COL24A1: variants seen among roughly 807,000 people sequenced by gnomAD.
COL24A1 encodes the protein collagen type XXIV alpha 1 chain.
Under a neutral mutation model 253.9 loss-of-function variants are expected in COL24A1, and 224 were observed. The observed-to-expected ratio is 0.88, with a 90% confidence interval of 0.79 to 0.99. The LOEUF is 0.99. Ranked by LOEUF, COL24A1 falls within the 50% of genes least tolerant of loss-of-function variation. The pLI, the probability that COL24A1 is intolerant of heterozygous loss-of-function variation, is 0.00. For synonymous variants in COL24A1, 685 were observed against 673.7 expected (o/e 1.02, Z -0.26); for missense variants, 2,131 against 2,068.5 (o/e 1.03, Z -0.59).
chr1:85,851,757 A>G (rs1354859710), intron 37 of COL24A1, among the ~76,000 whole-genome samples: 2 of 152,180 alleles, frequency 1.3e-5, no homozygotes, highest in Non-Finnish European at 2.9e-5. Context: ...TGTGCCCGTT[A>G]TTCTACTGGG....
chr1:85,759,220 C>T lies in COL24A1; in HGVS notation c.4437+2176G>A, dbSNP rs17128216. On this transcript the variant is annotated intron_variant, in intron 55 of 59. Transcript: ENST00000370571. ...CCCACTAAAATTTCCTGAGATGTTG[C>T]CTTTTTTGTATTCATGCAAGCATGC... Among the ~76,000 whole-genome samples the T allele has an allele frequency of 9.3e-3, 1,410 of 152,160 alleles. 58 individuals are homozygous for T. The highest frequency in any genetic ancestry group is 0.062 in the Admixed American group (955 of 15,286).
In COL24A1 at chr1:85,842,519, A is replaced by G. The variant is rs546363027; in HGVS notation, c.3463-126T>C. 3.3e-5 allele frequency: 22 copies of G among 672,856 alleles called. No homozygotes were observed. In the African/African-American group the frequency reaches 3.6e-4, roughly 11 times the overall value. 41.7% of individuals were successfully genotyped at this position (672,856 alleles called of 1,614,324 possible). On this transcript the variant is annotated intron_variant, in intron 39 of 59. Transcript: ENST00000370571. ...TCATGGTTGAAATTTACCTAGTTTG[A>G]AATAGGAAAGCAAAAAATAACCCCC...
intron 26 of COL24A1, among the ~76,000 whole-genome samples, chr1:85,909,028 C>T (rs1685119820): frequency 1.3e-5 from 2 of 151,726 alleles, no homozygotes; most frequent in Admixed American, 6.6e-5. Flanking sequence ...GAAACTATAT[C>T]CTTTTCGGAG....
chr1:85,733,650 G>A (rs1341871835), intron 59 of COL24A1, among the ~76,000 whole-genome samples: 1 of 151,682 alleles, frequency 6.6e-6, no homozygotes, highest in African/African-American at 2.4e-5. Context: ...CACAATCTTG[G>A]CTCACTGCAG....
chr1:86,143,738 CT>C (rs776925495), intron 2 of COL24A1, among the ~76,000 whole-genome samples: 37 of 152,058 alleles, frequency 2.4e-4, no homozygotes, highest in Admixed American at 5.2e-4. Context: ...AGGGACACTG[CT>C]TTTTGCTATA....
rs906846600 is a variant in COL24A1, at chr1:85,829,898, C to T, written c.3682-6160G>A. Among the ~76,000 whole-genome samples, 8 of 152,078 alleles carry T rather than the reference C, an allele frequency of 5.3e-5. 1 individual carries two copies. Among genetic ancestry groups the T allele is most frequent in the Non-Finnish European group, 8.8e-5 (6 of 68,002 alleles). On this transcript the variant is annotated intron_variant, in intron 43 of 59. Coordinates refer to ENST00000370571, the MANE Select transcript of COL24A1 (RefSeq NM_152890.7). ...CTCCCATAGCTCGGAGTAATTTGATCGTCTGAAGCCTTCTTCTCTGAGTTC... is the reference window on the plus strand; with the variant it reads ...CTCCCATAGCTCGGAGTAATTTGATTGTCTGAAGCCTTCTTCTCTGAGTTC...
chr1:85,943,940 T>G (rs896787000), intron 24 of COL24A1, among the ~76,000 whole-genome samples: 1 of 152,254 alleles, frequency 6.6e-6, no homozygotes, highest in African/African-American at 2.4e-5. Context: ...TTTTGCAAAT[T>G]TGACTCCATG....
At position 86,033,896 on chromosome 1, in the gene COL24A1, C is replaced by A. The variant is rs556294128; in HGVS notation, c.1978G>T (p.Gly660Cys). 1 of 1,597,364 alleles carries A rather than the reference C, an allele frequency of 6.3e-7. No individual in the cohort carries two copies. Among genetic ancestry groups the A allele is most frequent in the African/African-American group, 1.4e-5 (1 of 74,056 alleles). The change falls in exon 13 of 60, where the codon GGC (glycine) becomes TGC (cysteine). Residue 660 changes from glycine to cysteine, a missense_variant. Physicochemically the swap from Gly to Cys is radical, Grantham distance 159. Transcript: ENST00000370571. ...QGFPGDFGDR[G>C]PAGLDGSPGL... ...GGACTGCCATCAAGACCAGCAGGGC[C>A]TCTGTCTCCAAAGTCACCTGGAAAA...
At chr1:86,094,047 T>C (rs965981503) in intron 5 of COL24A1, among the ~76,000 whole-genome samples, 1 of 152,158 alleles carries the variant, frequency 6.6e-6, no homozygotes, top group Non-Finnish European at 1.5e-5. Context: ...GGTGGGAGTA[T>C]AAATCAGTTC....
intron 18 of COL24A1, among the ~76,000 whole-genome samples, chr1:86,019,941 T>A (rs1044549918): frequency 1.3e-5 from 2 of 152,192 alleles, no homozygotes; most frequent in Non-Finnish European, 2.9e-5. Context: ...TGCCTTTTCT[T>A]TAGCTTACAC....
At chr1:85,895,145 T>C (rs969073898) in intron 31 of COL24A1, among the ~76,000 whole-genome samples, 10 of 152,182 alleles carry the variant, frequency 6.6e-5, no homozygotes, top group Non-Finnish European at 1.3e-4. Context: ...TGTGTAAGTA[T>C]GCATGTGTGG....
At chr1:85,822,893 C>A (rs998031495) in intron 45 of COL24A1, among the ~76,000 whole-genome samples, 1 of 152,144 alleles carries the variant, frequency 6.6e-6, no homozygotes, top group Non-Finnish European at 1.5e-5. Flanking sequence ...GTCACCTTGG[C>A]CTGTCTTCAG....
chr1:86,135,934 C>A (rs1170284738), intron 2 of COL24A1, among the ~76,000 whole-genome samples: 2 of 152,044 alleles, frequency 1.3e-5, no homozygotes, highest in Non-Finnish European at 2.9e-5. Flanking sequence ...TAGAAAGATG[C>A]TGGCAGAAGA....
chr1:86,022,499 T>A (rs1245321432), intron 17 of COL24A1, 39 bp downstream of exon 17: 2 of 1,545,516 alleles, frequency 1.3e-6, no homozygotes, highest in East Asian at 2.3e-5. Context: ...GAATTTACAC[T>A]TTTTCATATT....
chr1:85,773,496 T>C (rs1357385211), intron 53 of COL24A1, among the ~76,000 whole-genome samples: 3 of 152,086 alleles, frequency 2.0e-5, no homozygotes, highest in Non-Finnish European at 4.4e-5. Context: ...TTCTTCCTAT[T>C]CATGAGCATG....
At chr1:85,945,180 G>A (rs1285141765) in intron 24 of COL24A1, among the ~76,000 whole-genome samples, 1 of 151,010 alleles carries the variant, frequency 6.6e-6, no homozygotes, top group Admixed American at 6.6e-5. Flanking sequence ...ACCATGCCTG[G>A]CTAATTTTTT....
chr1:85,851,469 T>C (rs1196987677), intron 37 of COL24A1, among the ~76,000 whole-genome samples: 1 of 152,170 alleles, frequency 6.6e-6, no homozygotes, highest in Non-Finnish European at 1.5e-5. Context: ...TACCCTGGAA[T>C]TGAATTGCTG....
chr1:85,776,556 GA>G (rs1668563841), intron 52 of COL24A1, among the ~76,000 whole-genome samples: 1 of 151,742 alleles, frequency 6.6e-6, no homozygotes, highest in South Asian at 2.1e-4. Context: ...AATATAATAT[GA>G]ATGCTCTTCC....
intron 32 of COL24A1, among the ~76,000 whole-genome samples, chr1:85,879,410 A>AC (rs1363992616): frequency 6.6e-6 from 1 of 152,026 alleles, no homozygotes; most frequent in Non-Finnish European, 1.5e-5. Flanking sequence ...TTTATTTGTG[A>AC]CTATATGTTG....
Sources: allele counts gnomAD v4.1 joint callset (sites outside exome capture counted in the v4.1 genomes callset), GRCh38; gene constraint gnomAD v4.1.1; transcripts MANE v1.5; gene names NCBI Gene and HGNC (gene_info 2026-07-23, HGNC 2026-07-21).